Variants in LRRTM3 observed in about 807,000 individuals in gnomAD.
LRRTM3 encodes the protein leucine-rich repeat transmembrane neuronal protein 3.
Under a neutral mutation model 44.7 loss-of-function variants are expected in LRRTM3, and 24 were observed. The ratio of observed to expected loss-of-function variants is 0.54; its 90% CI spans 0.39 to 0.76. LRRTM3 has a LOEUF of 0.76. Ranked by LOEUF, LRRTM3 falls within the 30% of genes least tolerant of loss-of-function variation. LRRTM3 has a pLI of 0.00. For synonymous variants in LRRTM3, 277 were observed against 278.7 expected (o/e 0.99, Z 0.06); for missense variants, 587 against 702.2 (o/e 0.84, Z 1.85).
At chr10:66,960,685 T>A (rs760038092) in intron 2 of LRRTM3, among the ~76,000 whole-genome samples, 1 of 152,176 alleles carries the variant, frequency 6.6e-6, no homozygotes, top group Non-Finnish European at 1.5e-5. Context: ...TTTGCAAGCA[T>A]CTCTTCATAG....
At position 67,098,321 on chromosome 10, in the gene LRRTM3, G is replaced by A. The variant is rs895537189; in HGVS notation, c.*525G>A. Reference sequence around the variant, plus strand: ...CCTTGACTCTAAAATTCTGTGCTGTGCGAAACATGCACGATTTTTATTATG... The same window carrying A: ...CCTTGACTCTAAAATTCTGTGCTGTACGAAACATGCACGATTTTTATTATG... On this transcript the variant is annotated 3_prime_UTR_variant, in exon 3 of 3. Transcript: ENST00000361320. 5.2e-5 allele frequency: 8 copies of A among 152,976 alleles called. No homozygotes were observed. The highest frequency in any genetic ancestry group is 1.9e-4 in the African/African-American group (8 of 41,386). 9.5% of individuals were successfully genotyped at this position (152,976 alleles called of 1,614,324 possible). A position where few individuals can be genotyped will look rare whatever the true frequency, so the allele number is the denominator to read the frequency against.
intron 2 of LRRTM3, among the ~76,000 whole-genome samples, chr10:67,082,153 G>A (rs1208322293): frequency 6.6e-6 from 1 of 152,038 alleles, no homozygotes; most frequent in Non-Finnish European, 1.5e-5. Flanking sequence ...AAAAAACAGA[G>A]AATTTTTATA....
At chr10:67,090,764 T>G (rs1225821110) in intron 2 of LRRTM3, among the ~76,000 whole-genome samples, 1 of 151,954 alleles carries the variant, frequency 6.6e-6, no homozygotes. Context: ...ACGCAACAAA[T>G]GCCCACAGCT....
At chr10:66,960,818 G>A (rs962661761) in intron 2 of LRRTM3, among the ~76,000 whole-genome samples, 1 of 152,108 alleles carries the variant, frequency 6.6e-6, no homozygotes, top group Non-Finnish European at 1.5e-5. Context: ...GAAAAGGGGG[G>A]ATGGTAGGGT....
chr10:67,019,226 T>G (rs1193502912), intron 2 of LRRTM3, among the ~76,000 whole-genome samples: 2 of 152,190 alleles, frequency 1.3e-5, no homozygotes, highest in Non-Finnish European at 1.5e-5. Flanking sequence ...ATTTTATTAT[T>G]ATTTTGTTTT....
intron 2 of LRRTM3, among the ~76,000 whole-genome samples, chr10:67,093,400 T>G (rs1434792486): frequency 6.6e-6 from 1 of 151,746 alleles, no homozygotes; most frequent in Non-Finnish European, 1.5e-5. Flanking sequence ...CACCCTAATC[T>G]CAGGAGAGAC....
intron 2 of LRRTM3, among the ~76,000 whole-genome samples, chr10:67,049,105 A>G (rs1854934160): frequency 1.3e-5 from 2 of 151,458 alleles, no homozygotes; most frequent in African/African-American, 2.4e-5. Context: ...CTTGTGGTCT[A>G]TGGAACAAGA....
At chr10:66,969,791 G>T (rs1465361792) in intron 2 of LRRTM3, among the ~76,000 whole-genome samples, 1 of 152,034 alleles carries the variant, frequency 6.6e-6, no homozygotes, top group Non-Finnish European at 1.5e-5. Flanking sequence ...CCTCACATTT[G>T]AGGAGAAAAG....
intron 2 of LRRTM3, among the ~76,000 whole-genome samples, chr10:67,033,591 T>C (rs1181452769): frequency 1.3e-5 from 2 of 152,180 alleles, no homozygotes; most frequent in Non-Finnish European, 2.9e-5. Flanking sequence ...CGAGCACTGT[T>C]CTAACTACAT....
At chr10:66,980,030 GAC>G (rs1379181822) in intron 2 of LRRTM3, among the ~76,000 whole-genome samples, 1 of 152,174 alleles carries the variant, frequency 6.6e-6, no homozygotes, top group Non-Finnish European at 1.5e-5. Flanking sequence ...TGGCACTGGA[GAC>G]ACTTTTTTCC....
chr10:67,034,664 A>G (rs2041266935), intron 2 of LRRTM3, among the ~76,000 whole-genome samples: 1 of 152,126 alleles, frequency 6.6e-6, no homozygotes, highest in South Asian at 2.1e-4. Flanking sequence ...CTTACACCTA[A>G]TCTTTCTCAA....
At chr10:67,017,563 G>A (rs372639570) in intron 2 of LRRTM3, among the ~76,000 whole-genome samples, 3 of 152,220 alleles carry the variant, frequency 2.0e-5, no homozygotes, top group South Asian at 2.1e-4. Context: ...AATATACTGT[G>A]ATTCACCCTC....
Position 66,928,004 on chromosome 10 carries a change from A to G in LRRTM3, c.1088A>G (p.Lys363Arg), listed in dbSNP as rs750348541. ...GTGAAGAACTACAGCATCTGTGGCA[A>G]AAGTACTACAGAGAGGTTTGATCTG... ...DAVKNYSICGKSTTERFDLAR... is the reference protein window; with the variant it reads ...DAVKNYSICGRSTTERFDLAR... Residue 363 changes from lysine to arginine, a missense_variant, in exon 2 of 3, where the codon AAA (lysine) becomes AGA (arginine). Coordinates refer to ENST00000361320, the MANE Select transcript of LRRTM3 (RefSeq NM_178011.5). 10 of 1,614,198 alleles carry G rather than the reference A, an allele frequency of 6.2e-6. No individual in the cohort carries two copies. The South Asian group carries it at 9.9e-5, about 16-fold the overall frequency.
chr10:66,958,221 T>G (rs541498846), intron 2 of LRRTM3, among the ~76,000 whole-genome samples: 6 of 150,982 alleles, frequency 4.0e-5, no homozygotes, highest in African/African-American at 1.5e-4. Flanking sequence ...TTGGCCCAAC[T>G]GATTTATTTG....
chr10:67,060,759 G>T (rs1855711592), intron 2 of LRRTM3, among the ~76,000 whole-genome samples: 1 of 152,178 alleles, frequency 6.6e-6, no homozygotes, highest in African/African-American at 2.4e-5. Context: ...GCCTCTGTCA[G>T]CCTAGGTTCC....
intron 2 of LRRTM3, among the ~76,000 whole-genome samples, chr10:67,007,999 C>T (rs1852105617): frequency 6.6e-6 from 1 of 151,740 alleles, no homozygotes; most frequent in Non-Finnish European, 1.5e-5. Flanking sequence ...TTAAATATAG[C>T]TATACTTGAA....
At chr10:67,054,415 T>C (rs937113487) in intron 2 of LRRTM3, among the ~76,000 whole-genome samples, 1 of 152,150 alleles carries the variant, frequency 6.6e-6, no homozygotes, top group Non-Finnish European at 1.5e-5. Flanking sequence ...GATCACACCA[T>C]TGATCCACCA....
At chr10:66,968,435 T>G (rs1287691933) in intron 2 of LRRTM3, among the ~76,000 whole-genome samples, 1 of 150,800 alleles carries the variant, frequency 6.6e-6, no homozygotes, top group Non-Finnish European at 1.5e-5. Flanking sequence ...AGAGACAAGA[T>G]GAATTTAAAC....
rs574925556 is a variant in LRRTM3, at chr10:67,079,587, T to C, written c.1537-18000T>C. ...AGTCACAGCCCAGCGCGGTGGCTCA[T>C]GCCTGTAATCCCAGCATGTTGGGAG... is the stretch of plus-strand genomic sequence containing the variant. On this transcript the variant is annotated intron_variant, in intron 2 of 2. Transcript: ENST00000361320. 9.9e-5 allele frequency among the ~76,000 whole-genome samples: 15 copies of C among 152,208 alleles called. No individual in the cohort carries two copies. The South Asian group carries it at 1.7e-3, about 17-fold the overall frequency.
Sources: allele counts gnomAD v4.1 joint callset (sites outside exome capture counted in the v4.1 genomes callset), GRCh38; gene constraint gnomAD v4.1.1; transcripts MANE v1.5; gene names NCBI Gene and HGNC (gene_info 2026-07-23, HGNC 2026-07-21).